ST8SIA5: variants seen among roughly 807,000 people sequenced by gnomAD.
The protein encoded by ST8SIA5 is ST8 alpha-N-acetyl-neuraminide alpha-2,8-sialyltransferase 5.
In ST8SIA5, 24 loss-of-function variants were observed where a neutral mutation model predicts 40.2. That is an observed-to-expected ratio of 0.60 (90% CI 0.43 to 0.84). The LOEUF (loss-of-function observed/expected upper bound fraction) is 0.84. Ranked by LOEUF, ST8SIA5 falls within the 40% of genes least tolerant of loss-of-function variation. The pLI is 0.00. For missense variants in ST8SIA5, 465 were observed against 498.5 expected, an observed-to-expected ratio of 0.93 and a Z score of 0.64; for synonymous variants, 198 against 201.8, an observed-to-expected ratio of 0.98 and a Z score of 0.16.
intron 1 of ST8SIA5, among the ~76,000 whole-genome samples, chr18:46,752,083 G>A (rs2040201000): frequency 6.6e-6 from 1 of 152,136 alleles, no homozygotes; most frequent in African/African-American, 2.4e-5. Context: ...TAACCCCTGA[G>A]TCATGCAGAT....
rs964715062 is a variant in ST8SIA5 at position 46,669,198 on chromosome 18, C to G, written c.*10844G>C. On this transcript the variant is annotated 3_prime_UTR_variant, in exon 7 of 7. Coordinates refer to ENST00000315087, the MANE Select transcript of ST8SIA5 (RefSeq NM_013305.6). ...TGAAGCCCAGGCCTGGAGCAGACTC[C>G]AGATCAGCCTAACAACTTCAGAGGG... The G allele has an allele frequency of 6.6e-6, 1 of 152,574 alleles. No individual in the cohort carries two copies. Among genetic ancestry groups the G allele is most frequent in the Non-Finnish European group, 1.5e-5 (1 of 68,356 alleles). 9.5% of individuals were successfully genotyped at this position (152,574 alleles called of 1,614,324 possible). A position where few individuals can be genotyped will look rare whatever the true frequency, so the allele number is the denominator to read the frequency against.
chr18:46,734,955 A>G (rs2040019918), intron 1 of ST8SIA5, among the ~76,000 whole-genome samples: 1 of 152,168 alleles, frequency 6.6e-6, no homozygotes, highest in African/African-American at 2.4e-5. Flanking sequence ...GCCAAAGGAG[A>G]TTAACATTTC....
rs1244960702 is a variant in ST8SIA5 at position 46,688,821 on chromosome 18, C to G, written c.410G>C (p.Ser137Thr). 1 of 1,613,852 alleles carries G rather than the reference C, an allele frequency of 6.2e-7. No homozygotes were observed. The highest frequency in any genetic ancestry group is 1.3e-5 in the African/African-American group (1 of 74,904). Residue 137 changes from serine to threonine, a missense_variant, in exon 4 of 7, where the codon AGT (serine) becomes ACT (threonine). Coordinates refer to ENST00000315087, the MANE Select transcript of ST8SIA5 (RefSeq NM_013305.6). The part of the protein sequence containing the change: ...GTKLKYEVDT[S>T]GIYHINQEIF... The stretch of plus-strand genomic sequence containing the variant: ...CTCCTGGTTGATGTGGTAGATGCCA[C>G]TGGTGTCCACCTCATACTTGAGCTT...
At position 46,680,290 on chromosome 18, in the gene ST8SIA5, G is replaced by T. The variant is rs749600014; in HGVS notation, c.883C>A (p.Arg295Ser). 2 of 1,614,192 alleles carry T rather than the reference G, an allele frequency of 1.2e-6. No individual in the cohort carries two copies. Among genetic ancestry groups the T allele is most frequent in the Admixed American group, 3.3e-5 (2 of 60,022 alleles). ...AGGCCGGTGCTGATGCGCTTGGCGC[G>T]CACCCCCAGGCTGAGCCAGTAGCGC... ...VSRYWLSLGV[R>S]AKRISTGLIL... Residue 295 changes from arginine to serine, a missense_variant, in exon 7 of 7, where the codon CGC becomes AGC. By Grantham distance (110) the Arg-to-Ser change is moderately radical. Transcript: ENST00000315087.
At position 46,668,204 on chromosome 18, in the gene ST8SIA5, G is replaced by A. The variant is rs924268172; in HGVS notation, c.*11838C>T. The A allele has an allele frequency of 1.3e-5, 2 of 152,222 alleles. No individual in the cohort carries two copies. Among genetic ancestry groups the A allele is most frequent in the Admixed American group, 6.5e-5 (1 of 15,282 alleles). 9.4% of individuals were successfully genotyped at this position (152,222 alleles called of 1,614,324 possible). ...TCAGGCCTCCCTTCTCTTCTCCATC[G>A]GGAAAGGCTCCACGGAGCGCAGTGC... is the stretch of plus-strand genomic sequence containing the variant. On this transcript the variant is annotated 3_prime_UTR_variant, in exon 7 of 7. Transcript: ENST00000315087.
intron 5 of ST8SIA5, among the ~76,000 whole-genome samples, chr18:46,683,579 C>T (rs185207057): frequency 5.6e-4 from 85 of 151,976 alleles, no homozygotes; most frequent in Admixed American, 1.9e-3. Flanking sequence ...GTGAAGAATG[C>T]GGTCTTTCGT....
intron 1 of ST8SIA5, among the ~76,000 whole-genome samples, chr18:46,737,469 C>T (rs1464002110): frequency 1.3e-5 from 2 of 152,128 alleles, no homozygotes; most frequent in East Asian, 1.9e-4. Context: ...GGGCGTTTAA[C>T]GAATGTTTCT....
At chr18:46,740,245 C>T (rs2040075126) in intron 1 of ST8SIA5, among the ~76,000 whole-genome samples, 1 of 152,172 alleles carries the variant, frequency 6.6e-6, no homozygotes, top group Non-Finnish European at 1.5e-5. Flanking sequence ...ATTCATGCTT[C>T]CCTTGTAATG....
At chr18:46,705,036 C>CG (rs2039656825) in intron 1 of ST8SIA5, among the ~76,000 whole-genome samples, 1 of 152,260 alleles carries the variant, frequency 6.6e-6, no homozygotes, top group African/African-American at 2.4e-5. Context: ...CAGAGCCATT[C>CG]TGGCGCAGCA....
intron 4 of ST8SIA5, among the ~76,000 whole-genome samples, chr18:46,687,772 A>AT (rs1190377312): frequency 1.3e-5 from 2 of 152,260 alleles, no homozygotes; most frequent in African/African-American, 4.8e-5. Flanking sequence ...AGGCCTTCAG[A>AT]TTTCTTCCAA....
chr18:46,688,161 C>A (rs529712907), intron 4 of ST8SIA5, among the ~76,000 whole-genome samples: 2 of 152,284 alleles, frequency 1.3e-5, no homozygotes, highest in African/African-American at 4.8e-5. Flanking sequence ...AGGGAGCCAC[C>A]GTGCCAGCCC....
chr18:46,743,508 T>C (rs1436095530), intron 1 of ST8SIA5, among the ~76,000 whole-genome samples: 1 of 151,834 alleles, frequency 6.6e-6, no homozygotes, highest in African/African-American at 2.4e-5. Flanking sequence ...GAAGACAAGT[T>C]TAGAGAAAAA....
chr18:46,724,174 T>C (rs1031505936), intron 1 of ST8SIA5, among the ~76,000 whole-genome samples: 1 of 152,238 alleles, frequency 6.6e-6, no homozygotes, highest in Non-Finnish European at 1.5e-5. Flanking sequence ...AGCCTTCTTC[T>C]ATGATGCCCA....
intron 2 of ST8SIA5, among the ~76,000 whole-genome samples, chr18:46,692,772 C>T (rs968202890): frequency 3.3e-5 from 5 of 152,018 alleles, no homozygotes; most frequent in African/African-American, 1.2e-4. Flanking sequence ...AGTTAGCAAA[C>T]AACTGTCCTG....
chr18:46,750,946 T>A (rs988544731), intron 1 of ST8SIA5, among the ~76,000 whole-genome samples: 6 of 152,216 alleles, frequency 3.9e-5, no homozygotes, highest in South Asian at 2.1e-4. Context: ...CAGATTTTTT[T>A]AATAAAAACT....
At chr18:46,696,383 C>T (rs1216944688) in intron 2 of ST8SIA5, among the ~76,000 whole-genome samples, 1 of 152,190 alleles carries the variant, frequency 6.6e-6, no homozygotes, top group African/African-American at 2.4e-5. Context: ...GCTTCAAATG[C>T]CTTCTGGAAA....
At chr18:46,726,717 G>A (rs2039934587) in intron 1 of ST8SIA5, among the ~76,000 whole-genome samples, 1 of 152,072 alleles carries the variant, frequency 6.6e-6, no homozygotes, top group African/African-American at 2.4e-5. Context: ...AGGAGTTCAA[G>A]ACCAACCTGG....
At chr18:46,691,481 C>T (rs1326594882) in intron 3 of ST8SIA5, 1 of 152,260 alleles carries the variant, frequency 6.6e-6, no homozygotes, top group Admixed American at 6.5e-5. Flanking sequence ...ATTACATCAA[C>T]TCCATAAAAT....
intron 1 of ST8SIA5, among the ~76,000 whole-genome samples, chr18:46,734,346 T>A (rs1049846166): frequency 6.6e-6 from 1 of 152,102 alleles, no homozygotes; most frequent in South Asian, 2.1e-4. Context: ...GGCAGGAGTA[T>A]CTGGAGGGAG....
Sources: gnomAD v4.1 joint callset for allele counts (sites outside exome capture counted in the v4.1 genomes callset) on GRCh38, gnomAD v4.1.1 for gene constraint, MANE v1.5 for transcripts, NCBI Gene and HGNC (gene_info 2026-07-23, HGNC 2026-07-21) for gene names.